Variants in TRIM43B observed in about 807,000 individuals in gnomAD.
TRIM43B encodes the protein tripartite motif-containing protein 43B.
A neutral mutation model predicts 27.0 loss-of-function variants in TRIM43B; 15 were observed. The ratio of observed to expected loss-of-function variants is 0.55; its 90% CI spans 0.37 to 0.85. The LOEUF (loss-of-function observed/expected upper bound fraction) is 0.85. TRIM43B is among the 40% of genes least tolerant of loss of function. The pLI, the probability that TRIM43B is intolerant of heterozygous loss-of-function variation, is 0.00. For synonymous variants in TRIM43B, 69 were observed against 97.8 expected, an observed-to-expected ratio of 0.71 and a Z score of 1.74; for missense variants, 172 against 289.8, an observed-to-expected ratio of 0.59 and a Z score of 2.95.
chr2:95,481,726 T>C (rs760877428), intron 2 of TRIM43B, 36 bp from the exon 3 acceptor site: 2 of 1,596,288 alleles, frequency 1.3e-6, no homozygotes. Context: ...GAAAGTCAAA[T>C]ACCAAAGATT....
rs538787244 is a variant in TRIM43B, at chr2:95,482,834, T to C, written c.-4-116A>G. ...TCCTTTCTTTCTAAAGAAGTATAGG[T>C]TTTAATTTGCAATGACAGAAATAGG... On this transcript the variant is annotated intron_variant, in intron 1 of 6. Transcript: ENST00000639673. 2.6e-4 allele frequency: 391 copies of C among 1,520,094 alleles called. 2 individuals carry two copies. The East Asian group carries it at 8.0e-3, about 31-fold the overall frequency. 94.2% of individuals were successfully genotyped at this position (1,520,094 alleles called of 1,614,324 possible).
At chr2:95,481,171 T>G (rs1237116652) in intron 3 of TRIM43B, among the ~76,000 whole-genome samples, 1 of 152,086 alleles carries the variant, frequency 6.6e-6, no homozygotes, top group Admixed American at 6.6e-5. Context: ...CTACTCGGAC[T>G]GGCATCATGT....
chr2:95,484,027 A>C (rs989557966), intron 1 of TRIM43B, among the ~76,000 whole-genome samples: 1 of 149,218 alleles, frequency 6.7e-6, no homozygotes, highest in Non-Finnish European at 1.5e-5. Flanking sequence ...ACACGGTAAA[A>C]TGTCTAGATC....
At chr2:95,483,808 A>G (rs1683583747) in intron 1 of TRIM43B, among the ~76,000 whole-genome samples, 1 of 151,988 alleles carries the variant, frequency 6.6e-6, no homozygotes, top group African/African-American at 2.4e-5. Flanking sequence ...AGTCTGGGTA[A>G]CAGAGCAAGA....
At chr2:95,480,242 G>A (rs1294792466) in intron 4 of TRIM43B, 63 bp downstream of exon 4, 45 of 1,497,902 alleles carry the variant, frequency 3.0e-5, no homozygotes, top group Non-Finnish European at 3.9e-5. Flanking sequence ...GGTACCCAAT[G>A]GAAGGCAAAG....
chr2:95,481,121 T>TA (rs1683513693), intron 3 of TRIM43B, among the ~76,000 whole-genome samples: 1 of 152,002 alleles, frequency 6.6e-6, no homozygotes, highest in South Asian at 2.1e-4. Context: ...AGTCATTTTT[T>TA]ATCCCTTCTC....
At chr2:95,482,258 C>T in intron 2 of TRIM43B, 46 bp downstream of exon 2, 1 of 1,571,900 alleles carries the variant, frequency 6.4e-7, no homozygotes, top group Non-Finnish European at 8.6e-7. Flanking sequence ...ATCTCTTTAA[C>T]TCTGCCACCC....
At chr2:95,483,826 T>TCC (rs963280363) in intron 1 of TRIM43B, among the ~76,000 whole-genome samples, 1 of 150,832 alleles carries the variant, frequency 6.6e-6, no homozygotes, top group Non-Finnish European at 1.5e-5. Flanking sequence ...AGACTCTGTC[T>TCC]CCCCCCCAAA....
At chr2:95,481,501 T>G (rs1683521544) in intron 3 of TRIM43B, 94 bp downstream of exon 3, 1 of 937,972 alleles carries the variant, frequency 1.1e-6, no homozygotes, top group Non-Finnish European at 1.6e-6. Context: ...TGACAAAATC[T>G]GGCATATGAG....
rs754312143 is a variant in TRIM43B at position 95,481,590 on chromosome 2, C to A, written c.507+5G>T. The A allele has an allele frequency of 6.2e-7, 1 of 1,610,088 alleles. No homozygotes were observed. Among genetic ancestry groups the A allele is most frequent in the South Asian group, 1.1e-5 (1 of 90,180 alleles). On this transcript the variant is annotated splice_donor_5th_base_variant and intron_variant, in intron 3 of 6. Transcript: ENST00000639673. ...GGTCAGGAGGACTCACGGTCTCATACTTACCCTCAAGAGGAAGGCTGTTCT... is the reference window on the plus strand; with the variant it reads ...GGTCAGGAGGACTCACGGTCTCATAATTACCCTCAAGAGGAAGGCTGTTCT...
rs1011098839 is a variant in TRIM43B, at chr2:95,484,438, G to A, written c.-5+168C>T. Among the ~76,000 whole-genome samples, 72 of 148,460 alleles carry A rather than the reference G, an allele frequency of 4.8e-4. 2 individuals carry two copies. The highest frequency in any genetic ancestry group is 1.7e-3 in the African/African-American group (70 of 40,310). ...CCCATGTTTAATCCATAAACCTATGGATTATGTTTAAAATAATTTTAAAAA... is the reference window on the plus strand; with the variant it reads ...CCCATGTTTAATCCATAAACCTATGAATTATGTTTAAAATAATTTTAAAAA... On this transcript the variant is annotated intron_variant, in intron 1 of 6. Coordinates refer to ENST00000639673, the Ensembl canonical transcript of TRIM43B.
At position 95,481,627 on chromosome 2, in the gene TRIM43B, A is replaced by G. The variant is rs773434974; in HGVS notation, c.475T>C (p.Tyr159His). 23 of 1,612,536 alleles carry G rather than the reference A, an allele frequency of 1.4e-5. No individual in the cohort carries two copies. The Admixed American group carries it at 3.8e-4, about 27-fold the overall frequency. ...AGGAAGGCTGTTCTTCTCTCCTCAT[A>G]TAGATTTCTCTGATTTTCTTGAATC... Residue 159 changes from tyrosine to histidine, a missense_variant, in exon 3 of 7, where the codon TAT becomes CAT. Tyr to His is a moderately conservative substitution (Grantham distance 83). This residue lies in a region of TRIM43B where 67 missense variants were observed against 66.4 expected (regional missense o/e 1.01). Transcript: ENST00000639673.
In TRIM43B at chr2:95,483,264, C is replaced by G. The variant is rs191813702; in HGVS notation, c.-4-546G>C. 1.5e-3 allele frequency among the ~76,000 whole-genome samples: 228 copies of G among 152,168 alleles called. 1 individual carries two copies. The highest frequency in any genetic ancestry group is 1.7e-3 in the Non-Finnish European group (116 of 67,996). Reference sequence around the variant, plus strand: ...CCAGCCTTTACTCTCCAAGGAAAAACAGTCAAATCAAGGTAAGTTACCTCT... The same window carrying G: ...CCAGCCTTTACTCTCCAAGGAAAAAGAGTCAAATCAAGGTAAGTTACCTCT... On this transcript the variant is annotated intron_variant, in intron 1 of 6. Transcript: ENST00000639673.
intron 1 of TRIM43B, 80 bp from the exon 2 acceptor site, chr2:95,482,798 A>C (rs1329912596): frequency 1.2e-5 from 19 of 1,533,026 alleles, no homozygotes; most frequent in Non-Finnish European, 1.7e-5. Context: ...TCAGATCGTG[A>C]TCGAATAATA....
exon 3 of TRIM43B, chr2:95,481,667 C>A: frequency 1.2e-6 from 2 of 1,611,904 alleles, no homozygotes; most frequent in East Asian, 4.5e-5. Context: ...TCCATAAAAT[C>A]CTCATTTGCT....
intron 1 of TRIM43B, among the ~76,000 whole-genome samples, chr2:95,483,508 G>GT (rs1247881125): frequency 6.6e-6 from 1 of 152,008 alleles, no homozygotes; most frequent in Non-Finnish European, 1.5e-5. Context: ...CAGGAAAAGA[G>GT]TAAGTATCAT....
At chr2:95,483,832 C>A (rs1297756803) in intron 1 of TRIM43B, among the ~76,000 whole-genome samples, 6 of 151,550 alleles carry the variant, frequency 4.0e-5, no homozygotes, top group East Asian at 3.9e-4. Context: ...TGTCTCCCCC[C>A]CAAAACAAAA....
At chr2:95,480,531 T>A (rs1469847259) in exon 4 of TRIM43B, 1 of 1,608,462 alleles carries the variant, frequency 6.2e-7, no homozygotes, top group South Asian at 1.1e-5. Flanking sequence ...TAAAACCACA[T>A]CGCCCTGTAG....
At chr2:95,483,644 G>A (rs1276791284) in intron 1 of TRIM43B, among the ~76,000 whole-genome samples, 10 of 151,542 alleles carry the variant, frequency 6.6e-5, no homozygotes, top group East Asian at 1.9e-4. Context: ...TGGCTAACAT[G>A]GTGAATCCCT....
Sources: allele counts gnomAD v4.1 joint callset (sites outside exome capture counted in the v4.1 genomes callset), GRCh38; gene constraint gnomAD v4.1.1; regional missense constraint gnomAD v4.1.1; transcripts MANE v1.5; gene names NCBI Gene and HGNC (gene_info 2026-07-23, HGNC 2026-07-21).